LDB2: variants seen among roughly 807,000 people sequenced by gnomAD.
LDB2 encodes LIM domain binding 2, also known as LIM domain-binding protein 2.
In LDB2, 12 loss-of-function variants were observed where a neutral mutation model predicts 44.3. The observed-to-expected ratio is 0.27, with a 90% CI of 0.17 to 0.44. The LOEUF (loss-of-function observed/expected upper bound fraction) is 0.44, where lower values mean the gene tolerates loss of function less well. Among genes scored for constraint, LDB2 ranks in the 20% least tolerant of loss-of-function variants. The pLI, the probability that LDB2 is intolerant of heterozygous loss-of-function variation, is 1.00. For missense variants in LDB2, 344 were observed against 473.5 expected (o/e 0.73, Z 2.54); for synonymous variants, 164 against 174.8 (o/e 0.94, Z 0.49).
At chr4:16,670,985 G>A (rs1192985989) in intron 2 of LDB2, among the ~76,000 whole-genome samples, 1 of 152,070 alleles carries the variant, frequency 6.6e-6, no homozygotes, top group African/African-American at 2.4e-5. Flanking sequence ...GTTACAGCTG[G>A]TGTGTGGGGA....
Position 16,515,248 on chromosome 4 carries a change from G to A in LDB2, c.616-3144C>T, listed in dbSNP as rs376460774. ...AGAGCTGAACATTGGGTACATATGG[G>A]CACAAAGATGGGAACAATGACACTG... On this transcript the variant is annotated intron_variant, in intron 5 of 7. Coordinates refer to ENST00000304523, the MANE Select transcript of LDB2 (RefSeq NM_001290.5). 1.2e-4 allele frequency among the ~76,000 whole-genome samples: 18 copies of A among 152,210 alleles called. No homozygotes were observed. In the East Asian group the frequency reaches 3.1e-3, roughly 26 times the overall value.
In LDB2 at chr4:16,725,921, C is replaced by T. The variant is rs549121382; in HGVS notation, c.235+33237G>A. 5.4e-5 allele frequency among the ~76,000 whole-genome samples: 8 copies of T among 147,418 alleles called. No homozygotes were observed. The East Asian group carries it at 1.4e-3, about 25-fold the overall frequency. ...TATATATTATGTATATATATGTATA[C>T]ATAATGTATAAATATACATTATATG... On this transcript the variant is annotated intron_variant, in intron 2 of 7. Coordinates refer to ENST00000304523, the MANE Select transcript of LDB2 (RefSeq NM_001290.5).
chr4:16,801,292 T>C (rs1366946546), intron 1 of LDB2, among the ~76,000 whole-genome samples: 1 of 152,200 alleles, frequency 6.6e-6, no homozygotes, highest in African/African-American at 2.4e-5. Context: ...TAATTGTCTG[T>C]AGACATTAGA....
At chr4:16,688,679 G>C (rs1443160753) in intron 2 of LDB2, among the ~76,000 whole-genome samples, 1 of 152,180 alleles carries the variant, frequency 6.6e-6, no homozygotes, top group African/African-American at 2.4e-5. Context: ...GTTCAAAACA[G>C]AGAATGGGCT....
At chr4:16,511,772 T>C (rs531283241) in intron 6 of LDB2, among the ~76,000 whole-genome samples, 3 of 152,326 alleles carry the variant, frequency 2.0e-5, no homozygotes, top group Admixed American at 6.5e-5. Context: ...GGTCCTAATC[T>C]GGTAAGTGAG....
chr4:16,514,057 GA>G (rs1722767693), intron 5 of LDB2, among the ~76,000 whole-genome samples: 1 of 152,178 alleles, frequency 6.6e-6, no homozygotes, highest in Non-Finnish European at 1.5e-5. Context: ...AGAAGAATCT[GA>G]ACAGACAGGC....
At chr4:16,749,315 T>G (rs989917171) in intron 2 of LDB2, among the ~76,000 whole-genome samples, 2 of 151,876 alleles carry the variant, frequency 1.3e-5, no homozygotes, top group African/African-American at 2.4e-5. Flanking sequence ...TGGCTCATAC[T>G]TTGGGAGGCC....
intron 2 of LDB2, among the ~76,000 whole-genome samples, chr4:16,638,298 C>T (rs1163663364): frequency 2.0e-5 from 3 of 152,202 alleles, no homozygotes; most frequent in Admixed American, 6.5e-5. Flanking sequence ...GTTGAATGGG[C>T]ACAGTGACAT....
Position 16,585,196 on chromosome 4 carries a change from T to C in LDB2, c.615+726A>G, listed in dbSNP as rs552008329. 3.1e-4 allele frequency among the ~76,000 whole-genome samples: 47 copies of C among 152,288 alleles called. 1 individual carries two copies. The highest frequency in any genetic ancestry group is 3.4e-3 in the Middle Eastern group (1 of 294). On this transcript the variant is annotated intron_variant, in intron 5 of 7. Transcript: ENST00000304523. ...TGCGGAGACCAGAGGTTTGTGAAGA[T>C]GTAGCCCCAGCTACCCTGGCTGGGA...
At chr4:16,525,115 GGTTACACCT>G (rs2152285940) in intron 5 of LDB2, among the ~76,000 whole-genome samples, 1 of 152,286 alleles carries the variant, frequency 6.6e-6, no homozygotes, top group Admixed American at 6.5e-5. Flanking sequence ...TTGACTGAAT[GGTTACACCT>G]GCCTCCTGCC....
chr4:16,519,737 G>C (rs1725268077), intron 5 of LDB2, among the ~76,000 whole-genome samples: 3 of 151,428 alleles, frequency 2.0e-5, no homozygotes, highest in Non-Finnish European at 4.4e-5. Context: ...TAGCCTCTCT[G>C]AATCTCAGTT....
At chr4:16,652,495 T>C (rs149213442) in intron 2 of LDB2, among the ~76,000 whole-genome samples, 6,668 of 152,208 alleles carry the variant, frequency 0.044, 152 homozygotes, top group Non-Finnish European at 0.054. Context: ...ACCACGCTGA[T>C]AGATATTTAG....
intron 3 of LDB2, among the ~76,000 whole-genome samples, chr4:16,591,300 G>A (rs1411192077): frequency 1.3e-5 from 2 of 152,318 alleles, no homozygotes; most frequent in East Asian, 3.9e-4. Context: ...TGGAGCATCT[G>A]TAAGGTCAAC....
chr4:16,571,594 G>A (rs1746555638), intron 5 of LDB2, among the ~76,000 whole-genome samples: 2 of 152,180 alleles, frequency 1.3e-5, no homozygotes, highest in Admixed American at 6.5e-5. Flanking sequence ...CAGCCTGGCG[G>A]TTTACCTTCT....
At chr4:16,722,439 G>A (rs1758470936) in intron 2 of LDB2, among the ~76,000 whole-genome samples, 1 of 152,010 alleles carries the variant, frequency 6.6e-6, no homozygotes, top group South Asian at 2.1e-4. Context: ...GGACCCTTTA[G>A]CTCCTTTTTT....
At chr4:16,764,821 C>T (rs1398174897) in intron 1 of LDB2, among the ~76,000 whole-genome samples, 5 of 152,168 alleles carry the variant, frequency 3.3e-5, no homozygotes, top group East Asian at 1.9e-4. Context: ...TTCAGCAAGA[C>T]GGCCAGCAGG....
At chr4:16,828,031 C>T (rs1262155251) in intron 1 of LDB2, among the ~76,000 whole-genome samples, 1 of 152,118 alleles carries the variant, frequency 6.6e-6, no homozygotes, top group Non-Finnish European at 1.5e-5. Flanking sequence ...TCCACCAAAC[C>T]ATTTCCTTCC....
intron 1 of LDB2, among the ~76,000 whole-genome samples, chr4:16,779,337 C>A (rs1369949136): frequency 6.6e-6 from 1 of 152,224 alleles, no homozygotes; most frequent in Non-Finnish European, 1.5e-5. Flanking sequence ...AAAATGTCAT[C>A]TAAAACCTTT....
At chr4:16,712,984 T>C (rs1199458015) in intron 2 of LDB2, among the ~76,000 whole-genome samples, 1 of 152,194 alleles carries the variant, frequency 6.6e-6, no homozygotes, top group Non-Finnish European at 1.5e-5. Flanking sequence ...AATAAATAAA[T>C]TGTGGTATAA....
Sources: gnomAD v4.1 joint callset for allele counts (sites outside exome capture counted in the v4.1 genomes callset) on GRCh38, gnomAD v4.1.1 for gene constraint, MANE v1.5 for transcripts, NCBI Gene and HGNC (gene_info 2026-07-23, HGNC 2026-07-21) for gene names.